RTN3: variants seen among roughly 807,000 people sequenced by gnomAD.
The protein encoded by RTN3 is reticulon 3.
In RTN3, 49 loss-of-function variants were observed where a neutral mutation model predicts 77.8. The ratio of observed to expected loss-of-function variants is 0.63; its 90% CI spans 0.50 to 0.80. The LOEUF (loss-of-function observed/expected upper bound fraction) is 0.80, where lower values mean the gene tolerates loss of function less well. Among genes scored for constraint, RTN3 ranks in the 30% least tolerant of loss-of-function variants. RTN3 has a pLI of 0.00. For synonymous variants in RTN3, 464 were observed against 446.9 expected (o/e 1.04, Z -0.48); for missense variants, 1,236 against 1,211.9 (o/e 1.02, Z -0.29).
rs138780236 is a variant in RTN3 at position 63,700,608 on chromosome 11, AT to A, written c.143-4230del. Among the ~76,000 whole-genome samples the A allele has an allele frequency of 7.9e-3, 1,002 of 126,634 alleles. 2 individuals are homozygous for A. The highest frequency in any genetic ancestry group is 0.012 in the Admixed American group (146 of 12,398). 83.1% of individuals were successfully genotyped at this position (126,634 alleles called of 152,430 possible). On this transcript the variant is annotated intron_variant, in intron 1 of 8. Transcript: ENST00000377819. ...CTGTTTCCCTGCCCCCATCCTTTTT[AT>A]TTTTTTTTTTTTGAGATGGAGTCTC...
intron 3 of RTN3, among the ~76,000 whole-genome samples, chr11:63,749,117 CA>C (rs2013967373): frequency 6.6e-6 from 1 of 151,954 alleles, no homozygotes; most frequent in South Asian, 2.1e-4. Flanking sequence ...CCTGTCTCTA[CA>C]AAAAAGAAAA....
chr11:63,754,130 A>G (rs1476134535), intron 7 of RTN3, among the ~76,000 whole-genome samples: 1 of 152,122 alleles, frequency 6.6e-6, no homozygotes, highest in Non-Finnish European at 1.5e-5. Flanking sequence ...TCTCTAAAAA[A>G]AAATAGCCGG....
At chr11:63,731,588 C>T (rs566126442) in intron 3 of RTN3, among the ~76,000 whole-genome samples, 2 of 152,168 alleles carry the variant, frequency 1.3e-5, no homozygotes, top group African/African-American at 4.8e-5. Flanking sequence ...TTAAACTGAA[C>T]AATGAAAATA....
At chr11:63,703,537 C>T (rs1942346754) in intron 1 of RTN3, among the ~76,000 whole-genome samples, 1 of 151,562 alleles carries the variant, frequency 6.6e-6, no homozygotes, top group African/African-American at 2.4e-5. Context: ...TCTTCATACA[C>T]ATATTTTTTT....
chr11:63,697,951 C>T (rs1242084323), intron 1 of RTN3, among the ~76,000 whole-genome samples: 1 of 152,112 alleles, frequency 6.6e-6, no homozygotes, highest in Non-Finnish European at 1.5e-5. Context: ...GTTGCCTCTC[C>T]CTATAGCTGC....
intron 3 of RTN3, among the ~76,000 whole-genome samples, chr11:63,729,232 A>G (rs577401486): frequency 5.9e-5 from 9 of 152,244 alleles, no homozygotes; most frequent in African/African-American, 2.2e-4. Context: ...TCAGACCTTT[A>G]GGAAGGAATG....
In RTN3 at chr11:63,756,142, C is replaced by G. The variant is rs774838164; in HGVS notation, c.3025C>G (p.Arg1009Gly). 27 of 1,613,010 alleles carry G rather than the reference C, an allele frequency of 1.7e-5. No homozygotes were observed. The highest frequency in any genetic ancestry group is 1.6e-4 in the African/African-American group (12 of 74,838). The change falls in exon 8 of 9, where the codon CGA becomes GGA. Residue 1009 changes from arginine (R) to glycine (G), a missense_variant. This residue lies in a region of RTN3 where 141 missense variants were observed against 154.9 expected (regional missense o/e 0.91). Transcript: ENST00000377819. ...GATTGATCACTATGTTGGCATCGCC[C>G]GAGATCAGACCAAGTCAATTGTTGA... ...TQIDHYVGIA[R>G]DQTKSIVEKI...
At chr11:63,745,341 T>C (rs1023621645) in intron 3 of RTN3, among the ~76,000 whole-genome samples, 1 of 152,232 alleles carries the variant, frequency 6.6e-6, no homozygotes, top group Non-Finnish European at 1.5e-5. Context: ...TGTTTAAGCA[T>C]TCGGTAACAA....
intron 1 of RTN3, among the ~76,000 whole-genome samples, chr11:63,697,632 C>T (rs565715180): frequency 4.6e-5 from 7 of 152,176 alleles, no homozygotes; most frequent in African/African-American, 1.7e-4. Context: ...CCTGCCACCA[C>T]GCCTGGCTAA....
intron 3 of RTN3, among the ~76,000 whole-genome samples, chr11:63,740,371 C>T (rs746546204): frequency 6.6e-6 from 1 of 151,632 alleles, no homozygotes. Flanking sequence ...AGCCTTCACT[C>T]CCCAGGTTCA....
At chr11:63,707,399 G>A (rs1421660561) in intron 2 of RTN3, among the ~76,000 whole-genome samples, 2 of 152,130 alleles carry the variant, frequency 1.3e-5, no homozygotes, top group Non-Finnish European at 2.9e-5. Context: ...AATTAAAAAT[G>A]AATGTTTTAA....
chr11:63,742,518 G>A (rs1432810883), intron 3 of RTN3, among the ~76,000 whole-genome samples: 1 of 151,688 alleles, frequency 6.6e-6, no homozygotes, highest in South Asian at 2.1e-4. Flanking sequence ...GGTGGCACAC[G>A]CCTGTAATCC....
intron 3 of RTN3, among the ~76,000 whole-genome samples, chr11:63,738,528 T>C (rs2013276016): frequency 6.6e-6 from 1 of 151,154 alleles, no homozygotes; most frequent in Non-Finnish European, 1.5e-5. Context: ...TGTAGTCCCA[T>C]CTACTTGGGA....
chr11:63,739,216 T>C (rs2013322102), intron 3 of RTN3, among the ~76,000 whole-genome samples: 2 of 152,162 alleles, frequency 1.3e-5, no homozygotes, highest in Non-Finnish European at 1.5e-5. Flanking sequence ...ATTTTACTTA[T>C]GTAATGAATC....
At chr11:63,681,829 TG>T (rs974610637) in intron 1 of RTN3, 51 bp downstream of exon 1, 36 of 1,463,692 alleles carry the variant, frequency 2.5e-5, no homozygotes, top group Non-Finnish European at 3.1e-5. Flanking sequence ...AGCGGGAGCC[TG>T]GGGGCTGGGG....
At chr11:63,696,961 G>A (rs7482453) in intron 1 of RTN3, among the ~76,000 whole-genome samples, 55,271 of 129,692 alleles carry the variant, frequency 0.43, 13,286 homozygotes, top group East Asian at 0.85. Flanking sequence ...CTTGGCTCAC[G>A]GCAAACTCCG....
Position 63,750,161 on chromosome 11 carries a change from C to T in RTN3, c.2701C>T (p.Gln901Ter). 6.2e-7 allele frequency: 1 copy of T among 1,612,654 alleles called. No individual in the cohort carries two copies. Among genetic ancestry groups the T allele is most frequent in the Non-Finnish European group, 8.5e-7 (1 of 1,179,268 alleles). Residue 901 changes from glutamine to a stop codon, truncating the protein, a stop_gained, in exon 4 of 9, where the codon CAA becomes TAA. Coordinates refer to ENST00000377819, the MANE Select transcript of RTN3 (RefSeq NM_001265589.2). LOFTEE classifies it high-confidence loss of function. Reference protein sequence around the residue: ...ISFRIYKSVIQAVQKSEEGHP... With the variant: ...ISFRIYKSVI ...CTTCAGGATCTACAAGTCCGTCATC[C>T]AAGCTGTACAGAAGTCAGAAGAAGG... is the stretch of plus-strand genomic sequence containing the variant.
At chr11:63,702,089 A>G (rs995507508) in intron 1 of RTN3, among the ~76,000 whole-genome samples, 63 of 152,324 alleles carry the variant, frequency 4.1e-4, no homozygotes, top group African/African-American at 1.4e-3. Flanking sequence ...CTTTAAAGCA[A>G]TCTTCTAGCT....
intron 3 of RTN3, among the ~76,000 whole-genome samples, chr11:63,730,687 G>T (rs927043655): frequency 6.6e-6 from 1 of 152,082 alleles, no homozygotes; most frequent in Non-Finnish European, 1.5e-5. Context: ...TGGTTTGGTG[G>T]CATGCATCTG....
Sources: gnomAD v4.1 joint callset for allele counts (sites outside exome capture counted in the v4.1 genomes callset) on GRCh38, gnomAD v4.1.1 for gene constraint, gnomAD v4.1.1 regional missense constraint, MANE v1.5 for transcripts, NCBI Gene and HGNC (gene_info 2026-07-23, HGNC 2026-07-21) for gene names.